The following FAM20A variants were observed in gnomAD, a reference collection of about 807,000 sequenced individuals.
FAM20A encodes the protein pseudokinase FAM20A.
A neutral mutation model predicts 52.0 loss-of-function variants in FAM20A; 42 were observed. The observed-to-expected ratio is 0.81, with a 90% CI of 0.63 to 1.04. The LOEUF (loss-of-function observed/expected upper bound fraction) is 1.04, where lower values mean the gene tolerates loss of function less well. Ranked by LOEUF, FAM20A falls within the 50% of genes least tolerant of loss-of-function variation. The pLI, the probability that FAM20A is intolerant of heterozygous loss-of-function variation, is 0.00. For missense variants in FAM20A, 742 were observed against 712.7 expected, an observed-to-expected ratio of 1.04 and a Z score of -0.47; for synonymous variants, 304 against 298.9, an observed-to-expected ratio of 1.02 and a Z score of -0.18.
chr17:68,537,267 C>A lies in FAM20A; in HGVS notation c.*210G>T. 1.4e-6 allele frequency: 1 copy of A among 722,978 alleles called. No individual in the cohort carries two copies. Among genetic ancestry groups the A allele is most frequent in the Non-Finnish European group, 2.4e-6 (1 of 411,296 alleles). The allele number at this position is 722,978 out of a possible 1,614,324, so 44.8% of individuals were successfully genotyped here. A position where few individuals can be genotyped will look rare whatever the true frequency, so the allele number is the denominator to read the frequency against. ...TGAAGCCAGTGCTTTTTGGGAAAAA[C>A]GGAGCAAGGCAACGCACGACAGAAG... On this transcript the variant is annotated 3_prime_UTR_variant, in exon 11 of 11. Coordinates refer to ENST00000592554, the MANE Select transcript of FAM20A (RefSeq NM_017565.4). The surrounding 1 kb of genome is among the most constrained non-coding windows in gnomAD (Gnocchi z 4.2).
chr17:68,544,460 C>T (rs533727411), intron 4 of FAM20A, among the ~76,000 whole-genome samples: 17 of 152,136 alleles, frequency 1.1e-4, no homozygotes, highest in African/African-American at 3.4e-4. Context: ...GACTTTGCCT[C>T]GAGGCTAATA....
chr17:68,581,362 C>CTT (rs748458229), intron 1 of FAM20A, among the ~76,000 whole-genome samples: 74 of 127,708 alleles, frequency 5.8e-4, no homozygotes, highest in Non-Finnish European at 7.4e-4. Flanking sequence ...TTCTTTCTTT[C>CTT]TTTCTTTCTT....
chr17:68,570,515 T>C (rs1754918050), intron 1 of FAM20A, among the ~76,000 whole-genome samples: 1 of 152,210 alleles, frequency 6.6e-6, no homozygotes, highest in African/African-American at 2.4e-5. Flanking sequence ...TCAAGCCCAG[T>C]ATAGGAGAAG....
intron 4 of FAM20A, among the ~76,000 whole-genome samples, chr17:68,546,119 A>C (rs1171321348): frequency 7.1e-6 from 1 of 140,944 alleles, no homozygotes; most frequent in Non-Finnish European, 1.5e-5. Context: ...CAGTGAGCCG[A>C]GATTGTGCCA....
At chr17:68,577,356 C>T (rs796691671) in intron 1 of FAM20A, among the ~76,000 whole-genome samples, 32 of 152,336 alleles carry the variant, frequency 2.1e-4, no homozygotes, top group African/African-American at 7.2e-4. Context: ...TGATGATTCA[C>T]GCAGCACAGG....
Position 68,542,102 on chromosome 17 carries a change from C to G in FAM20A, c.992G>C (p.Gly331Ala). 1 of 1,613,896 alleles carries G rather than the reference C, an allele frequency of 6.2e-7. No individual in the cohort carries two copies. The change falls in exon 7 of 11, where the codon GGC becomes GCC. Residue 331 changes from glycine (G) to alanine (A), a missense_variant. By Grantham distance (60) the Gly-to-Ala change is moderately conservative (BLOSUM62 0). Coordinates refer to ENST00000592554, the MANE Select transcript of FAM20A (RefSeq NM_017565.4). ...GGAACCCTCCAGCAGGTGTGGGTTG[C>G]CACAGACAGCATACTCCGTCTTGCA... is the stretch of plus-strand genomic sequence containing the variant. ...YMCKTEYAVC[G>A]NPHLLEGSLS...
intron 3 of FAM20A, among the ~76,000 whole-genome samples, chr17:68,553,289 G>T (rs2086929188): frequency 6.6e-6 from 1 of 152,094 alleles, no homozygotes; most frequent in African/African-American, 2.4e-5. Context: ...AGGCCTCCTA[G>T]CCATGCTTCC....
At chr17:68,566,790 T>C (rs552154720) in intron 1 of FAM20A, among the ~76,000 whole-genome samples, 1 of 152,352 alleles carries the variant, frequency 6.6e-6, no homozygotes, top group East Asian at 1.9e-4. Context: ...TGATGGGTAG[T>C]TTTAAATGCT....
rs571881065 is a variant in FAM20A at position 68,561,640 on chromosome 17, A to G, written c.405-5897T>C. 1.8e-4 allele frequency among the ~76,000 whole-genome samples: 25 copies of G among 135,542 alleles called. 1 individual carries two copies. Among genetic ancestry groups the G allele is most frequent in the South Asian group, 6.8e-4 (3 of 4,390 alleles). 88.9% of individuals were successfully genotyped at this position (135,542 alleles called of 152,430 possible). The stretch of plus-strand genomic sequence containing the variant: ...AGTTTTCCTATATAGTCCAACTTGT[A>G]TACTTATCCACATGAATTTTACAAT... On this transcript the variant is annotated intron_variant, in intron 1 of 10. Coordinates refer to ENST00000592554, the MANE Select transcript of FAM20A (RefSeq NM_017565.4).
At chr17:68,562,665 C>T (rs751485019) in intron 1 of FAM20A, among the ~76,000 whole-genome samples, 2 of 151,384 alleles carry the variant, frequency 1.3e-5, no homozygotes, top group Non-Finnish European at 1.5e-5. Flanking sequence ...TTGCATTTCC[C>T]AGACCTGGCA....
chr17:68,551,438 T>C, intron 4 of FAM20A: 1 of 251,738 alleles, frequency 4.0e-6, no homozygotes, highest in East Asian at 6.6e-5. Context: ...GAAAAAAGTA[T>C]GGATCAATTA....
intron 9 of FAM20A, among the ~76,000 whole-genome samples, 167 bp downstream of exon 9, chr17:68,539,718 C>T (rs2086205635): frequency 6.6e-6 from 1 of 152,146 alleles, no homozygotes; most frequent in South Asian, 2.1e-4. Flanking sequence ...GTGGTTCTTG[C>T]AAAGGTAAAG....
intron 1 of FAM20A, among the ~76,000 whole-genome samples, chr17:68,561,096 T>G (rs1422264435): frequency 1.3e-5 from 2 of 152,258 alleles, no homozygotes; most frequent in Non-Finnish European, 2.9e-5. Flanking sequence ...TCTTTTGACT[T>G]CACTTATGGT....
At chr17:68,544,788 C>A (rs2086472199) in intron 4 of FAM20A, among the ~76,000 whole-genome samples, 1 of 152,186 alleles carries the variant, frequency 6.6e-6, no homozygotes, top group Non-Finnish European at 1.5e-5. Flanking sequence ...AATCCCTCTT[C>A]CCAGTCTCAT....
chr17:68,539,118 A>G (rs961537950), intron 10 of FAM20A, among the ~76,000 whole-genome samples: 2 of 152,226 alleles, frequency 1.3e-5, no homozygotes, highest in African/African-American at 4.8e-5. Flanking sequence ...TAAAAATACC[A>G]TATTATTAAT....
At chr17:68,571,324 G>A (rs947797723) in intron 1 of FAM20A, among the ~76,000 whole-genome samples, 4 of 152,212 alleles carry the variant, frequency 2.6e-5, no homozygotes, top group Admixed American at 2.6e-4. Flanking sequence ...GCACTCAGGA[G>A]TGCTATGCAC....
chr17:68,594,769 G>T (rs1397004743), intron 1 of FAM20A, among the ~76,000 whole-genome samples: 1 of 152,136 alleles, frequency 6.6e-6, no homozygotes, highest in Non-Finnish European at 1.5e-5. Context: ...TCTTCAATCA[G>T]CAATGGCTCA....
At chr17:68,552,666 CTTTTTTTTTTTT>C (rs576230517) in intron 3 of FAM20A, among the ~76,000 whole-genome samples, 1 of 66,848 alleles carries the variant, frequency 1.5e-5, no homozygotes, top group Non-Finnish European at 3.1e-5. Flanking sequence ...CTTTATTTTC[CTTTTTTTTTTTT>C]TTTTTTTTTT....
chr17:68,586,856 A>C (rs532978515), intron 1 of FAM20A, among the ~76,000 whole-genome samples: 4 of 152,284 alleles, frequency 2.6e-5, no homozygotes, highest in East Asian at 3.9e-4. Flanking sequence ...GGCAATGCTA[A>C]GAGATCTGAT....
Sources: gnomAD v4.1 joint callset for allele counts (sites outside exome capture counted in the v4.1 genomes callset) on GRCh38, gnomAD v4.1.1 for gene constraint, Gnocchi (gnomAD v3.1) non-coding constraint, MANE v1.5 for transcripts, NCBI Gene and HGNC (gene_info 2026-07-23, HGNC 2026-07-21) for gene names.